Variants in SMS observed in about 807,000 individuals in gnomAD.
SMS encodes the protein spermine synthase, also known as spermidine aminopropyltransferase.
SMS carries 3 observed loss-of-function variants against 33.0 expected under a neutral mutation model. That is an observed-to-expected ratio of 0.09 (90% CI 0.04 to 0.23). The LOEUF (loss-of-function observed/expected upper bound fraction) is 0.23, where lower values mean the gene tolerates loss of function less well. Ranked by LOEUF, SMS falls within the 10% of genes least tolerant of loss-of-function variation. The probability of loss-of-function intolerance (pLI) is 1.00; values close to 1 mark genes in which losing one functional copy is unlikely to be tolerated. For missense variants in SMS, 117 were observed against 288.6 expected, an observed-to-expected ratio of 0.41 and a Z score of 4.31; for synonymous variants, 103 against 112.2, an observed-to-expected ratio of 0.92 and a Z score of 0.52.
At chrX:21,980,750 C>T (rs1281940415) in intron 7 of SMS, among the ~76,000 whole-genome samples, 2 of 110,641 alleles carry the variant, frequency 1.8e-5, no homozygotes, top group African/African-American at 6.6e-5. Context: ...GATGTGAATA[C>T]TAGAAAATCC....
chrX:21,945,634 T>TCCCCC (rs376720187), intron 1 of SMS, among the ~76,000 whole-genome samples: 26 of 34,131 alleles, frequency 7.6e-4, no homozygotes, highest in African/African-American at 9.2e-4. Flanking sequence ...TTGCTTCCCG[T>TCCCCC]CCCCCCCCCC....
intron 4 of SMS, among the ~76,000 whole-genome samples, chrX:21,976,524 GAGAT>G (rs1444193373): frequency 2.7e-5 from 3 of 109,937 alleles, no homozygotes; most frequent in African/African-American, 9.9e-5. Flanking sequence ...TCTGTACTTG[GAGAT>G]ATCAGTGTCA....
At chrX:21,955,068 T>C (rs1185732273) in intron 1 of SMS, among the ~76,000 whole-genome samples, 1 of 111,475 alleles carries the variant, frequency 9.0e-6, no homozygotes, top group Non-Finnish European at 1.9e-5. Context: ...ACTCCTGACC[T>C]CAAATGATCC....
rs369776884 is a variant in SMS at position 21,975,376 on chromosome X, C to A, written c.330-1685C>A. 2.6e-4 allele frequency among the ~76,000 whole-genome samples: 29 copies of A among 112,136 alleles called. No homozygotes were observed. The East Asian group carries it at 6.1e-3, about 24-fold the overall frequency. ...GTAGGAAAGAGCTCTTCACCTTAGC[C>A]AAGGCACTATTGACACAATTGAGAA... On this transcript the variant is annotated intron_variant, in intron 4 of 10. Transcript: ENST00000404933.
chrX:21,945,057 C>T lies in SMS; in HGVS notation c.49+4184C>T, dbSNP rs758184920. Among the ~76,000 whole-genome samples the T allele has an allele frequency of 3.3e-4, 37 of 112,002 alleles. 1 individual carries two copies. Among genetic ancestry groups the T allele is most frequent in the Non-Finnish European group, 6.2e-4 (33 of 53,212 alleles). On this transcript the variant is annotated intron_variant, in intron 1 of 10. Coordinates refer to ENST00000404933, the MANE Select transcript of SMS (RefSeq NM_004595.5). The stretch of plus-strand genomic sequence containing the variant: ...CTTGCCATGTTGGAGTGGAAGGTCT[C>T]TAACAGGCCAGCCAGCTCTGAAAAG...
intron 1 of SMS, among the ~76,000 whole-genome samples, chrX:21,945,381 A>C (rs1922138981): frequency 9.0e-6 from 1 of 111,661 alleles, no homozygotes; most frequent in Non-Finnish European, 1.9e-5. Flanking sequence ...GTGCAGGGAC[A>C]CAAGGAGATT....
At chrX:21,990,756 G>T (rs1477116475) in intron 9 of SMS, among the ~76,000 whole-genome samples, 3 of 112,907 alleles carry the variant, frequency 2.7e-5, no homozygotes, top group Non-Finnish European at 5.6e-5. Flanking sequence ...TGTGCACCTT[G>T]GTGGCATTTT....
chrX:21,954,747 A>G (rs1214364345), intron 1 of SMS, among the ~76,000 whole-genome samples: 2 of 112,128 alleles, frequency 1.8e-5, no homozygotes, highest in Admixed American at 9.4e-5. Context: ...TTTTGACATC[A>G]CACAATTCCC....
At chrX:21,942,461 G>A (rs768752609) in intron 1 of SMS, among the ~76,000 whole-genome samples, 16 of 112,051 alleles carry the variant, frequency 1.4e-4, no homozygotes, top group Non-Finnish European at 2.1e-4. Flanking sequence ...TCTTAAGGGG[G>A]TAGCTGTGGA....
At chrX:21,944,540 AAAAAAG>A (rs1179595474) in intron 1 of SMS, among the ~76,000 whole-genome samples, 2 of 96,798 alleles carry the variant, frequency 2.1e-5, no homozygotes, top group Admixed American at 1.1e-4. Context: ...AAAAAAAAAA[AAAAAAG>A]AAAAAAAATT....
Position 21,962,747 on chromosome X carries a change from C to T in SMS, c.50-4449C>T, listed in dbSNP as rs1327877091. 3.6e-5 allele frequency among the ~76,000 whole-genome samples: 4 copies of T among 111,707 alleles called. No homozygotes were observed. The Admixed American group carries it at 3.8e-4, about 11-fold the overall frequency. On this transcript the variant is annotated intron_variant, in intron 1 of 10. Transcript: ENST00000404933. ...CATGGGTCACTGCAGCCTTCACCTC[C>T]CAGGCTAAGGTGTTCCTCCCATCTC...
rs755650468 is a variant in SMS, at chrX:21,984,343, G to T, written c.790G>T (p.Ala264Ser). ...CTGTATCCCGGTACTGAAGAGGTAC[G>T]CCAAAGAAGGGAGAGAATTTGATTA... ...EDCIPVLKRY[A>S]KEGREFDYVI... Residue 264 changes from alanine to serine, a missense_variant, in exon 8 of 11, where the codon GCC becomes TCC. This residue lies in a region of SMS where 69 missense variants were observed against 203.8 expected (regional missense o/e 0.34). Transcript: ENST00000404933. The T allele has an allele frequency of 1.7e-6, 2 of 1,195,568 alleles. No individual in the cohort carries two copies. The highest frequency in any genetic ancestry group is 4.3e-5 in the Admixed American group (2 of 45,984).
chrX:21,993,397 T>C (rs1215528299), intron 10 of SMS, among the ~76,000 whole-genome samples: 2 of 112,476 alleles, frequency 1.8e-5, no homozygotes, highest in Non-Finnish European at 3.8e-5. Flanking sequence ...AAAAAGGAAA[T>C]GAGCATTATC....
chrX:21,948,573 T>C (rs1922396948), intron 1 of SMS, among the ~76,000 whole-genome samples: 1 of 110,222 alleles, frequency 9.1e-6, no homozygotes, highest in African/African-American at 3.3e-5. Context: ...CTTAGCTACC[T>C]TCTCAGGAGA....
At chrX:21,958,530 C>T (rs187859348) in intron 1 of SMS, among the ~76,000 whole-genome samples, 1 of 112,324 alleles carries the variant, frequency 8.9e-6, no homozygotes. Flanking sequence ...TTTGCGGTTG[C>T]GTGACCATCA....
At chrX:21,979,053 G>T (rs909525717) in intron 7 of SMS, 87 bp downstream of exon 7, 4 of 652,880 alleles carry the variant, frequency 6.1e-6, no homozygotes, top group African/African-American at 4.3e-5. Context: ...ACAGCTTTTA[G>T]TATAGTTGGT....
intron 6 of SMS, 39 bp downstream of exon 6, chrX:21,978,153 T>G (rs768235961): frequency 4.4e-6 from 5 of 1,148,446 alleles, no homozygotes; most frequent in South Asian, 1.8e-5. Flanking sequence ...TCAGTGGGCT[T>G]CTTTTGTTTC....
intron 1 of SMS, among the ~76,000 whole-genome samples, chrX:21,965,905 G>A (rs1358526444): frequency 1.8e-5 from 2 of 111,582 alleles, no homozygotes; most frequent in African/African-American, 3.3e-5. Context: ...GCATTGAGCC[G>A]AGATTGCGCC....
chrX:21,988,834 C>T (rs1340438287), intron 9 of SMS, among the ~76,000 whole-genome samples: 1 of 111,019 alleles, frequency 9.0e-6, no homozygotes, highest in Non-Finnish European at 1.9e-5. Flanking sequence ...TCCCAGGAAG[C>T]TGGGGAATGC....
Sources: gnomAD v4.1 joint callset for allele counts (sites outside exome capture counted in the v4.1 genomes callset) on GRCh38, gnomAD v4.1.1 for gene constraint, gnomAD v4.1.1 regional missense constraint, MANE v1.5 for transcripts, NCBI Gene and HGNC (gene_info 2026-07-23, HGNC 2026-07-21) for gene names.